SCLT1: variants seen among roughly 807,000 people sequenced by gnomAD.
SCLT1 encodes the protein sodium channel-associated protein 1.
A neutral mutation model predicts 112.8 loss-of-function variants in SCLT1; 78 were observed. The observed-to-expected ratio is 0.69, with a 90% CI of 0.58 to 0.83. SCLT1 has a LOEUF of 0.83. SCLT1 is among the 40% of genes least tolerant of loss of function. SCLT1 has a pLI of 0.00. For synonymous variants in SCLT1, 257 were observed against 254.7 expected (o/e 1.01, Z -0.09); for missense variants, 747 against 770.4 (o/e 0.97, Z 0.36).
rs73847383 is a variant in SCLT1, at chr4:129,021,080, G to A, written c.291-17204C>T. Among the ~76,000 whole-genome samples the A allele has an allele frequency of 3.7e-3, 569 of 152,308 alleles. 1 individual carries two copies. Among genetic ancestry groups the A allele is most frequent in the African/African-American group, 0.011 (471 of 41,556 alleles). ...AGTTCATCTCATCGGGACTGGTTAGGCAGTGGGTCCAACCCATGGAGGATG... is the reference window on the plus strand; with the variant it reads ...AGTTCATCTCATCGGGACTGGTTAGACAGTGGGTCCAACCCATGGAGGATG... On this transcript the variant is annotated intron_variant, in intron 5 of 20. Coordinates refer to ENST00000281142, the MANE Select transcript of SCLT1 (RefSeq NM_144643.4).
chr4:129,061,069 G>A (rs970688202), intron 2 of SCLT1, among the ~76,000 whole-genome samples: 2 of 152,126 alleles, frequency 1.3e-5, no homozygotes, highest in Non-Finnish European at 2.9e-5. Context: ...CTGGAGATTT[G>A]TGCCTGAGAA....
At chr4:128,949,362 C>G (rs1357895519) in intron 14 of SCLT1, among the ~76,000 whole-genome samples, 2 of 151,806 alleles carry the variant, frequency 1.3e-5, no homozygotes, top group Admixed American at 1.3e-4. Context: ...TCATTCTGTG[C>G]ATTTGCATTT....
rs750403375 is a variant in SCLT1 at position 128,999,687 on chromosome 4, T to G, written c.534A>C (p.Glu178Asp). 1.9e-6 allele frequency: 3 copies of G among 1,599,430 alleles called. No homozygotes were observed. The highest frequency in any genetic ancestry group is 2.2e-5 in the South Asian group (2 of 89,098). ...HMTEAQIHVF[E>D]SQKQKDQLFD... is the part of the protein sequence containing the mutation. ...CCAAGATTACCTTTTGTTTTTGACT[T>G]TCAAATACATGAATCTGGGCCTCAG... Residue 178 changes from glutamate to aspartate, a missense_variant, in exon 7 of 21, where the codon GAA becomes GAC. Coordinates refer to ENST00000281142, the MANE Select transcript of SCLT1 (RefSeq NM_144643.4).
In SCLT1 at chr4:129,033,931, TC is replaced by T. The variant is rs1746965332; in HGVS notation, c.290+5109del. ...TTATTAAAAATAGATATTTAAAACT[TC>T]ATAGTTAAAGCTTAGGCAGATAGGA... On this transcript the variant is annotated intron_variant, in intron 5 of 20. Coordinates refer to ENST00000281142, the MANE Select transcript of SCLT1 (RefSeq NM_144643.4). 2.0e-5 allele frequency among the ~76,000 whole-genome samples: 3 copies of T among 152,130 alleles called. No homozygotes were observed. In the South Asian group the frequency reaches 6.2e-4, roughly 31 times the overall value.
chr4:128,901,345 A>C (rs1348643611), intron 18 of SCLT1, among the ~76,000 whole-genome samples: 1 of 152,220 alleles, frequency 6.6e-6, no homozygotes, highest in Non-Finnish European at 1.5e-5. Context: ...GGAGCCATAA[A>C]AAAGGATGAG....
At chr4:129,032,966 A>C (rs1021603755) in intron 5 of SCLT1, among the ~76,000 whole-genome samples, 1 of 152,226 alleles carries the variant, frequency 6.6e-6, no homozygotes, top group Non-Finnish European at 1.5e-5. Flanking sequence ...CATTTGATCC[A>C]GCAATCCCAT....
At chr4:129,093,000 A>G in intron 1 of SCLT1, 70 bp downstream of exon 1, 1 of 1,173,878 alleles carries the variant, frequency 8.5e-7, no homozygotes. Context: ...AGCATTCAAA[A>G]AAGATTTGTC....
chr4:129,085,881 G>A (rs1344740216), intron 1 of SCLT1, among the ~76,000 whole-genome samples: 2 of 152,054 alleles, frequency 1.3e-5, no homozygotes, highest in African/African-American at 4.8e-5. Context: ...AGGAGGGAGA[G>A]GATCAGGACA....
chr4:128,883,157 C>CAAAAAAAAAAAAAAAA (rs34993678), downstream of SCLT1, among the ~76,000 whole-genome samples: 22 of 57,624 alleles, frequency 3.8e-4, no homozygotes, highest in East Asian at 1.2e-3. Context: ...ACAACAACAA[C>CAAAAAAAAAAAAAAAA]AAAAAAAAAA....
chr4:128,996,503 T>C (rs1226141016), intron 8 of SCLT1, among the ~76,000 whole-genome samples: 1 of 152,164 alleles, frequency 6.6e-6, no homozygotes, highest in Middle Eastern at 3.2e-3. Context: ...TCTTGACTCA[T>C]ACTTGCCCCC....
chr4:128,916,589 C>A (rs2125954446), intron 18 of SCLT1, among the ~76,000 whole-genome samples: 1 of 152,274 alleles, frequency 6.6e-6, no homozygotes, highest in Middle Eastern at 3.4e-3. Context: ...CACAGGCAGT[C>A]CATCATTAAG....
intron 8 of SCLT1, among the ~76,000 whole-genome samples, chr4:128,992,750 A>G (rs1742682178): frequency 6.6e-6 from 1 of 151,750 alleles, no homozygotes. Flanking sequence ...CCACTTCCCC[A>G]CCTTCTTACT....
intron 11 of SCLT1, among the ~76,000 whole-genome samples, chr4:128,963,848 T>C (rs1450188906): frequency 6.6e-6 from 1 of 152,182 alleles, no homozygotes; most frequent in African/African-American, 2.4e-5. Flanking sequence ...AGGCATATAT[T>C]TATTGTCACT....
intron 9 of SCLT1, among the ~76,000 whole-genome samples, chr4:128,983,099 GCTGGTCTCAAA>G (rs1168379097): frequency 5.9e-5 from 9 of 151,998 alleles, no homozygotes; most frequent in African/African-American, 2.2e-4. Context: ...TGTTGGTCAG[GCTGGTCTCAAA>G]CTCCCGACCT....
intron 2 of SCLT1, among the ~76,000 whole-genome samples, chr4:129,057,083 A>G (rs978140201): frequency 6.6e-6 from 1 of 152,108 alleles, no homozygotes; most frequent in Non-Finnish European, 1.5e-5. Context: ...TTTTGGATCT[A>G]TTGAGATTAT....
chr4:128,880,978 TGTG>T (rs1460107468), downstream of SCLT1, among the ~76,000 whole-genome samples: 3 of 152,188 alleles, frequency 2.0e-5, no homozygotes, highest in East Asian at 1.9e-4. Flanking sequence ...GTGAGTGTTT[TGTG>T]GTGAATTCTT....
At chr4:129,018,450 A>G (rs1219337070) in intron 5 of SCLT1, among the ~76,000 whole-genome samples, 1 of 152,224 alleles carries the variant, frequency 6.6e-6, no homozygotes, top group East Asian at 1.9e-4. Context: ...CCCAGCACAG[A>G]TGTGTTTTTA....
intron 9 of SCLT1, 70 bp downstream of exon 9, chr4:128,992,097 T>C: frequency 1.0e-6 from 1 of 993,592 alleles, no homozygotes; most frequent in South Asian, 1.5e-5. Context: ...TGGGGAAAAT[T>C]ATAGCATCAT....
chr4:129,040,718 T>C (rs1747622262), intron 4 of SCLT1, among the ~76,000 whole-genome samples: 1 of 152,202 alleles, frequency 6.6e-6, no homozygotes, highest in Admixed American at 6.5e-5. Flanking sequence ...ATCGTCCATA[T>C]AGAGAATTGC....
Sources: allele counts gnomAD v4.1 joint callset (sites outside exome capture counted in the v4.1 genomes callset), GRCh38; gene constraint gnomAD v4.1.1; transcripts MANE v1.5; gene names NCBI Gene and HGNC (gene_info 2026-07-23, HGNC 2026-07-21).